Variants in NR3C2 observed in about 807,000 individuals in gnomAD.
NR3C2 encodes mineralocorticoid receptor.
A neutral mutation model predicts 86.4 loss-of-function variants in NR3C2; 15 were observed. The ratio of observed to expected loss-of-function variants is 0.17; its 90% confidence interval spans 0.12 to 0.27. The LOEUF (loss-of-function observed/expected upper bound fraction) is 0.27, where lower values mean the gene tolerates loss of function less well. Among genes scored for constraint, NR3C2 ranks in the 10% least tolerant of loss-of-function variants. The pLI, the probability that NR3C2 is intolerant of heterozygous loss-of-function variation, is 1.00. For synonymous variants in NR3C2, 458 were observed against 450.5 expected, an observed-to-expected ratio of 1.02 and a Z score of -0.21; for missense variants, 960 against 1,195.6, an observed-to-expected ratio of 0.80 and a Z score of 2.91.
At chr4:148,235,262 T>TTATATATATATATATATATATATATA (rs370271975) in intron 3 of NR3C2, among the ~76,000 whole-genome samples, 20 of 143,712 alleles carry the variant, frequency 1.4e-4, no homozygotes, top group Non-Finnish European at 2.8e-4. Context: ...TAAGTGGCAA[T>TTATATATATATATATATATATATATA]TATATATATA....
chr4:148,211,698 TAAAC>T (rs1418603644), intron 3 of NR3C2, among the ~76,000 whole-genome samples: 1 of 149,562 alleles, frequency 6.7e-6, no homozygotes, highest in African/African-American at 2.5e-5. Context: ...AGGATGGAGA[TAAAC>T]AAAATACAGC....
At chr4:148,443,222 CAAAAAAAAA>C (rs59506438), upstream of NR3C2, among the ~76,000 whole-genome samples, 1,435 of 40,984 alleles carry the variant, frequency 0.035, 24 homozygotes, top group African/African-American at 0.097. Flanking sequence ...CCCCTAACAC[CAAAAAAAAA>C]AAAAAAAAAA....
At chr4:148,157,691 G>A (rs562268760) in intron 4 of NR3C2, among the ~76,000 whole-genome samples, 1 of 152,192 alleles carries the variant, frequency 6.6e-6, no homozygotes, top group South Asian at 2.1e-4. Context: ...CGTTACAAAT[G>A]TAACATTTCA....
intron 2 of NR3C2, among the ~76,000 whole-genome samples, chr4:148,319,278 A>G (rs1743415462): frequency 6.6e-6 from 1 of 152,170 alleles, no homozygotes; most frequent in African/African-American, 2.4e-5. Flanking sequence ...TGGTTACTGT[A>G]GCCTTGTAGT....
chr4:148,122,907 A>G (rs1017231855), intron 6 of NR3C2, among the ~76,000 whole-genome samples: 2 of 152,214 alleles, frequency 1.3e-5, no homozygotes, highest in Non-Finnish European at 2.9e-5. Flanking sequence ...TTGAAAAAGA[A>G]CAGAATAACA....
chr4:148,260,549 C>CA (rs1215391451), intron 2 of NR3C2, among the ~76,000 whole-genome samples: 1 of 151,906 alleles, frequency 6.6e-6, no homozygotes, highest in African/African-American at 2.4e-5. Flanking sequence ...TCAATTATGC[C>CA]AAAAAAATTT....
intron 2 of NR3C2, among the ~76,000 whole-genome samples, chr4:148,360,245 A>G (rs1440808512): frequency 6.6e-6 from 1 of 152,216 alleles, no homozygotes; most frequent in African/African-American, 2.4e-5. Flanking sequence ...GAAAAATAAT[A>G]TAATTGACAT....
chr4:148,226,255 T>C (rs552425410), intron 3 of NR3C2, among the ~76,000 whole-genome samples: 1 of 152,284 alleles, frequency 6.6e-6, no homozygotes, highest in East Asian at 1.9e-4. Context: ...CCAAGAAAGC[T>C]ACCCTGTGCT....
chr4:148,398,686 T>C (rs374419153), intron 2 of NR3C2, among the ~76,000 whole-genome samples: 2 of 152,326 alleles, frequency 1.3e-5, no homozygotes, highest in East Asian at 3.9e-4. Context: ...AGACATTTAC[T>C]GAATGCTCCG....
upstream of NR3C2, among the ~76,000 whole-genome samples, chr4:148,445,269 G>C (rs1192145222): frequency 6.6e-6 from 1 of 151,814 alleles, no homozygotes; most frequent in East Asian, 2.0e-4. Context: ...CGCGCGGGGG[G>C]CGGGAGGGAA....
chr4:148,310,530 G>A (rs1293971371), intron 2 of NR3C2, among the ~76,000 whole-genome samples: 1 of 152,094 alleles, frequency 6.6e-6, no homozygotes, highest in African/African-American at 2.4e-5. Context: ...TCTTTCATAA[G>A]TCTCTACCAG....
chr4:148,251,998 A>G (rs1434257962), intron 3 of NR3C2, among the ~76,000 whole-genome samples: 2 of 152,178 alleles, frequency 1.3e-5, no homozygotes, highest in Non-Finnish European at 2.9e-5. Context: ...AGTACATACA[A>G]TCAGAAGGCC....
intron 3 of NR3C2, among the ~76,000 whole-genome samples, chr4:148,230,199 G>GT (rs1011518345): frequency 6.6e-5 from 10 of 152,082 alleles, no homozygotes; most frequent in Non-Finnish European, 1.3e-4. Flanking sequence ...TTGTTTGTTT[G>GT]TTTTTTGTTT....
intron 8 of NR3C2, 148 bp from the exon 9 acceptor site, chr4:148,081,647 G>A: frequency 1.8e-5 from 19 of 1,083,688 alleles, no homozygotes; most frequent in Non-Finnish European, 2.5e-5. Flanking sequence ...AGAGTCATCT[G>A]TCCTGGGAGA....
chr4:148,308,454 G>T (rs1464946226), intron 2 of NR3C2, among the ~76,000 whole-genome samples: 17 of 152,114 alleles, frequency 1.1e-4, no homozygotes, highest in South Asian at 4.1e-4. Context: ...AAAACTACAT[G>T]ATGAGTACCA....
intron 3 of NR3C2, among the ~76,000 whole-genome samples, chr4:148,250,541 C>A (rs1170660580): frequency 6.6e-6 from 1 of 152,168 alleles, no homozygotes; most frequent in East Asian, 1.9e-4. Flanking sequence ...CCATACACTG[C>A]ACCAAATGAC....
chr4:148,307,825 T>G (rs939929202), intron 2 of NR3C2, among the ~76,000 whole-genome samples: 1 of 151,210 alleles, frequency 6.6e-6, no homozygotes, highest in East Asian at 1.9e-4. Flanking sequence ...AGAGCCAGTA[T>G]AAAGCTAAGC....
At chr4:148,258,609 T>C (rs1375749617) in intron 3 of NR3C2, among the ~76,000 whole-genome samples, 1 of 152,244 alleles carries the variant, frequency 6.6e-6, no homozygotes, top group East Asian at 1.9e-4. Flanking sequence ...GAGATTCCAC[T>C]GGGAGCTTTT....
intron 3 of NR3C2, among the ~76,000 whole-genome samples, chr4:148,250,955 T>C (rs536458616): frequency 6.6e-5 from 10 of 152,058 alleles, no homozygotes; most frequent in Admixed American, 5.9e-4. Context: ...TTTCTTTTTT[T>C]TGGGGGGGAG....
Sources: allele counts gnomAD v4.1 joint callset (sites outside exome capture counted in the v4.1 genomes callset), GRCh38; gene constraint gnomAD v4.1.1; transcripts MANE v1.5; gene names NCBI Gene and HGNC (gene_info 2026-07-23, HGNC 2026-07-21).